The following MACROD2 variants were observed in gnomAD, a reference collection of about 807,000 sequenced individuals.
MACROD2 encodes the protein mono-ADP ribosylhydrolase 2, also known as ADP-ribose glycohydrolase MACROD2.
MACROD2 carries 36 observed loss-of-function variants against 70.4 expected under a neutral mutation model. The observed-to-expected ratio is 0.51, with a 90% CI of 0.39 to 0.68. MACROD2 has a LOEUF of 0.68. Among genes scored for constraint, MACROD2 ranks in the 30% least tolerant of loss-of-function variants. The probability of loss-of-function intolerance (pLI) is 0.00; values close to 1 mark genes in which losing one functional copy is unlikely to be tolerated. For missense variants in MACROD2, 496 were observed against 538.4 expected (o/e 0.92, Z 0.78); for synonymous variants, 172 against 178.8 (o/e 0.96, Z 0.30).
chr20:14,723,319 C>T (rs2071491376), intron 5 of MACROD2, among the ~76,000 whole-genome samples: 1 of 151,842 alleles, frequency 6.6e-6, no homozygotes, highest in South Asian at 2.1e-4. Context: ...TTTTGCAGCT[C>T]TATTCACTGG....
chr20:15,200,119 C>A (rs2076642891), intron 5 of MACROD2, among the ~76,000 whole-genome samples: 1 of 152,136 alleles, frequency 6.6e-6, no homozygotes, highest in African/African-American at 2.4e-5. Context: ...TGAAATGCGG[C>A]CTTCGTAGTT....
intron 3 of MACROD2, among the ~76,000 whole-genome samples, chr20:14,208,452 G>A (rs1278183826): frequency 6.6e-6 from 1 of 152,134 alleles, no homozygotes; most frequent in Non-Finnish European, 1.5e-5. Flanking sequence ...GTGGAGTTCA[G>A]TTGGCCGTTA....
intron 5 of MACROD2, among the ~76,000 whole-genome samples, chr20:14,697,300 G>A (rs139614708): frequency 1.8e-4 from 28 of 152,278 alleles, no homozygotes; most frequent in African/African-American, 6.3e-4. Context: ...TGAGAAGAAC[G>A]ATGCCAGATT....
intron 2 of MACROD2, among the ~76,000 whole-genome samples, chr20:14,018,808 A>G (rs1425281207): frequency 6.6e-6 from 1 of 152,224 alleles, no homozygotes. Context: ...CTTGCTGCCC[A>G]GTGTGCATAG....
At chr20:14,164,486 C>T (rs184150634) in intron 3 of MACROD2, among the ~76,000 whole-genome samples, 122 of 152,236 alleles carry the variant, frequency 8.0e-4, no homozygotes, top group African/African-American at 2.7e-3. Context: ...GGCAGGTTCT[C>T]GGTCCCCTGG....
intron 3 of MACROD2, among the ~76,000 whole-genome samples, chr20:14,119,192 A>G (rs2054551847): frequency 9.4e-6 from 1 of 106,382 alleles, no homozygotes; most frequent in African/African-American, 3.7e-5. Flanking sequence ...TTTGAGATGA[A>G]GTTTCACTCT....
intron 5 of MACROD2, among the ~76,000 whole-genome samples, chr20:14,868,618 TA>T (rs2073453788): frequency 6.6e-6 from 1 of 152,252 alleles, no homozygotes; most frequent in East Asian, 1.9e-4. Context: ...CTAGAATCAT[TA>T]AGGTGTTTTC....
intron 6 of MACROD2, among the ~76,000 whole-genome samples, chr20:15,276,892 G>C (rs970885891): frequency 6.6e-6 from 1 of 152,132 alleles, no homozygotes; most frequent in Non-Finnish European, 1.5e-5. Flanking sequence ...CTCAGTGATT[G>C]GCGTAATTTA....
At chr20:15,691,026 A>G (rs1035730450) in intron 8 of MACROD2, among the ~76,000 whole-genome samples, 2 of 152,192 alleles carry the variant, frequency 1.3e-5, no homozygotes, top group Non-Finnish European at 2.9e-5. Flanking sequence ...AAGATTAAGC[A>G]ACTTCTCTGG....
chr20:15,936,913 C>G (rs1329844070), intron 11 of MACROD2, among the ~76,000 whole-genome samples: 1 of 151,996 alleles, frequency 6.6e-6, no homozygotes, highest in African/African-American at 2.4e-5. Flanking sequence ...CCTTAGTCCC[C>G]ATTTTCCCAT....
intron 5 of MACROD2, among the ~76,000 whole-genome samples, chr20:14,727,880 G>A (rs1824215074): frequency 6.6e-6 from 1 of 152,034 alleles, no homozygotes; most frequent in African/African-American, 2.4e-5. Flanking sequence ...TACTTTTCCT[G>A]GCTACTTTAT....
chr20:15,443,973 A>C (rs1405359438), intron 7 of MACROD2, among the ~76,000 whole-genome samples: 3 of 152,218 alleles, frequency 2.0e-5, no homozygotes, highest in Non-Finnish European at 4.4e-5. Context: ...GTTAATTTTT[A>C]AAGCGGTTTT....
chr20:14,375,726 G>A (rs1383824951), intron 3 of MACROD2, among the ~76,000 whole-genome samples: 1 of 152,134 alleles, frequency 6.6e-6, no homozygotes, highest in East Asian at 1.9e-4. Flanking sequence ...CTCCGGTTTT[G>A]CGTTCAATTC....
At chr20:14,460,354 C>G (rs909378049) in intron 3 of MACROD2, among the ~76,000 whole-genome samples, 8 of 152,072 alleles carry the variant, frequency 5.3e-5, no homozygotes, top group African/African-American at 1.9e-4. Context: ...AGTGTAAAAA[C>G]CTTCCTATTT....
intron 5 of MACROD2, among the ~76,000 whole-genome samples, chr20:14,870,807 T>C (rs1487111930): frequency 6.6e-6 from 1 of 152,148 alleles, no homozygotes; most frequent in African/African-American, 2.4e-5. Flanking sequence ...CGTTTATTTC[T>C]TGTAAATGTA....
At chr20:15,204,263 C>G (rs2076682122) in intron 5 of MACROD2, among the ~76,000 whole-genome samples, 1 of 152,070 alleles carries the variant, frequency 6.6e-6, no homozygotes, top group Non-Finnish European at 1.5e-5. Flanking sequence ...AATTAAAATT[C>G]CATTTCTCAT....
chr20:15,969,595 G>A (rs79639711), intron 13 of MACROD2, among the ~76,000 whole-genome samples: 251 of 152,176 alleles, frequency 1.6e-3, no homozygotes, highest in African/African-American at 5.5e-3. Context: ...AGACACAGCC[G>A]AAAGAAGATT....
At chr20:14,310,003 A>G (rs2082552468) in intron 3 of MACROD2, among the ~76,000 whole-genome samples, 1 of 152,106 alleles carries the variant, frequency 6.6e-6, no homozygotes, top group South Asian at 2.1e-4. Context: ...TGTATGGGGT[A>G]CGTGTGTGGT....
At position 14,653,252 on chromosome 20, in the gene MACROD2, T is replaced by C. The variant is rs1985780224; in HGVS notation, c.302-31591T>C. Among the ~76,000 whole-genome samples, 4 of 146,680 alleles carry C rather than the reference T, an allele frequency of 2.7e-5. No individual in the cohort carries two copies. In the South Asian group the frequency reaches 8.5e-4, roughly 31 times the overall value. On this transcript the variant is annotated intron_variant, in intron 4 of 17. Coordinates refer to ENST00000684519, the MANE Select transcript of MACROD2 (RefSeq NM_001351661.2). ...TTTTTTTTTTGAGACGGAGTTTCGC[T>C]CTGTTGCCCAGGCTGGAGTGCAGTG...
Sources: allele counts gnomAD v4.1 joint callset (sites outside exome capture counted in the v4.1 genomes callset), GRCh38; gene constraint gnomAD v4.1.1; transcripts MANE v1.5; gene names NCBI Gene and HGNC (gene_info 2026-07-23, HGNC 2026-07-21).